The following CAV3 variants were observed in gnomAD, a reference collection of about 807,000 sequenced individuals.
CAV3 encodes the protein caveolin-3.
Under a neutral mutation model 13.4 loss-of-function variants are expected in CAV3, and 10 were observed. The ratio of observed to expected loss-of-function variants is 0.75; its 90% CI spans 0.46 to 1.27. The LOEUF is 1.27. Among genes scored for constraint, CAV3 ranks in the 50% most tolerant of loss-of-function variants. The pLI is 0.00. For missense variants in CAV3, 162 were observed against 194.0 expected (o/e 0.83, Z 0.98); for synonymous variants, 90 against 79.0 (o/e 1.14, Z -0.74).
At position 8,746,575 on chromosome 3, in the gene CAV3, C is replaced by T. The variant is rs1041276926; in HGVS notation, c.*708C>T. 3.3e-5 allele frequency: 5 copies of T among 152,022 alleles called. No individual in the cohort carries two copies. Among genetic ancestry groups the T allele is most frequent in the African/African-American group, 1.2e-4 (5 of 41,352 alleles). 9.4% of individuals were successfully genotyped at this position (152,022 alleles called of 1,614,324 possible). A position where few individuals can be genotyped will look rare whatever the true frequency, so the allele number is the denominator to read the frequency against. On this transcript the variant is annotated 3_prime_UTR_variant, in exon 2 of 2. Coordinates refer to ENST00000343849, the MANE Select transcript of CAV3 (RefSeq NM_033337.3). ...CAGGGGCAGTGACCCTTCCAGGGTA[C>T]CACTGAGGGAAGGGCCTGGGTTCAA... is the stretch of plus-strand genomic sequence containing the variant.
At chr3:8,734,016 G>T in intron 1 of CAV3, 26 bp downstream of exon 1, 1 of 1,382,530 alleles carries the variant, frequency 7.2e-7, no homozygotes, top group South Asian at 1.2e-5. Flanking sequence ...CTGCCTCGGC[G>T]GGCGGAGAGT....
intron 1 of CAV3, among the ~76,000 whole-genome samples, chr3:8,737,394 C>T (rs1707793988): frequency 6.6e-6 from 1 of 152,160 alleles, no homozygotes. Context: ...GGCCGTTTCA[C>T]ATTTAAAAAA....
At chr3:8,739,714 T>A (rs1180843800) in intron 1 of CAV3, among the ~76,000 whole-genome samples, 2 of 151,834 alleles carry the variant, frequency 1.3e-5, no homozygotes, top group East Asian at 3.9e-4. Flanking sequence ...GAGCCCAGAG[T>A]TATCCCTTGT....
rs1166921806 is a variant in CAV3 at position 8,746,037 on chromosome 3, A to G, written c.*170A>G. ...GCCAGAAAGAAAAGACGGCCCAGCC[A>G]CAGAAGCACAATGGCCCTTCGCTCT... On this transcript the variant is annotated 3_prime_UTR_variant, in exon 2 of 2. Transcript: ENST00000343849. 1 of 602,800 alleles carries G rather than the reference A, an allele frequency of 1.7e-6. No homozygotes were observed. Among genetic ancestry groups the G allele is most frequent in the East Asian group, 2.8e-5 (1 of 36,004 alleles). The allele number at this position is 602,800 out of a possible 1,614,324, so 37.3% of individuals were successfully genotyped here. A position where few individuals can be genotyped will look rare whatever the true frequency, so the allele number is the denominator to read the frequency against.
chr3:8,734,668 G>A (rs1418634037), intron 1 of CAV3, among the ~76,000 whole-genome samples: 2 of 152,210 alleles, frequency 1.3e-5, no homozygotes, highest in Non-Finnish European at 2.9e-5. Context: ...TAGCGGCCCT[G>A]CTGCCTCCAG....
chr3:8,740,404 C>T lies in CAV3; in HGVS notation c.115-5122C>T, dbSNP rs140869883. 3.4e-4 allele frequency among the ~76,000 whole-genome samples: 51 copies of T among 152,158 alleles called. No homozygotes were observed. In the East Asian group the frequency reaches 6.4e-3, roughly 19 times the overall value. ...GTGCACAGCCAAGCCCAGAGCTCCA[C>T]CCAGGGTACTTCTATTCCTCCCTAT... On this transcript the variant is annotated intron_variant, in intron 1 of 1. Coordinates refer to ENST00000343849, the MANE Select transcript of CAV3 (RefSeq NM_033337.3).
Position 8,745,118 on chromosome 3 carries a change from A to T in CAV3, c.115-408A>T, listed in dbSNP as rs112968287. The T allele has an allele frequency of 1.0e-4, 22 of 215,100 alleles. 1 individual carries two copies. Among genetic ancestry groups the T allele is most frequent in the Middle Eastern group, 2.0e-3 (1 of 504 alleles). 13.3% of individuals were successfully genotyped at this position (215,100 alleles called of 1,614,324 possible). A position where few individuals can be genotyped will look rare whatever the true frequency, so the allele number is the denominator to read the frequency against. ...TCCCTCGTGGCTTAGTGCTGTCCTC[A>T]CAATAGTGGGAGAGTTCTCATAAGA... On this transcript the variant is annotated intron_variant, in intron 1 of 1. Coordinates refer to ENST00000343849, the MANE Select transcript of CAV3 (RefSeq NM_033337.3). The surrounding 1 kb of genome is among the most constrained non-coding windows in gnomAD (Gnocchi z 4.8).
chr3:8,734,077 A>T, intron 1 of CAV3, 87 bp downstream of exon 1: 1 of 760,244 alleles, frequency 1.3e-6, no homozygotes, highest in South Asian at 1.4e-5. Context: ...TCTGCTGCAG[A>T]CACAGTTTCC....
rs1447903804 is a variant in CAV3 at position 8,745,617 on chromosome 3, A to T, written c.206A>T (p.Lys69Met). ...AGCTACACCACCTTCACTGTCTCCA[A>T]GTACTGGTGCTACCGTCTGTTGTCC... ...KVSYTTFTVS[K>M]YWCYRLLSTL... The change falls in exon 2 of 2, where the codon AAG (lysine) becomes ATG (methionine). Residue 69 changes from lysine to methionine, a missense_variant. Physicochemically the swap from Lys to Met is moderately conservative, Grantham distance 95 (BLOSUM62 -1). Transcript: ENST00000343849. This position sits in a 1 kb window ranked among gnomAD's most constrained non-coding sequence, Gnocchi z 4.8. 1 of 1,614,106 alleles carries T rather than the reference A, an allele frequency of 6.2e-7. No homozygotes were observed. The highest frequency in any genetic ancestry group is 2.2e-5 in the East Asian group (1 of 44,856).
chr3:8,738,068 TTCTC>T (rs1346396530), intron 1 of CAV3, among the ~76,000 whole-genome samples: 52 of 151,778 alleles, frequency 3.4e-4, no homozygotes, highest in African/African-American at 1.1e-3. Flanking sequence ...TCTCTCTCTC[TTCTC>T]TCTCTATCTC....
chr3:8,738,465 TC>T (rs1266807224), intron 1 of CAV3, among the ~76,000 whole-genome samples: 1 of 152,164 alleles, frequency 6.6e-6, no homozygotes, highest in African/African-American at 2.4e-5. Context: ...TGGCGGGGAA[TC>T]CATTCCTGGG....
chr3:8,733,897 A>C lies in CAV3; in HGVS notation c.21A>C (p.Thr7=). 1 of 1,611,506 alleles carries C rather than the reference A, an allele frequency of 6.2e-7. No homozygotes were observed. The highest frequency in any genetic ancestry group is 1.7e-5 in the Admixed American group (1 of 59,984). MMAEEH[T]DLEAQIVKDI... ...CTGCGATGATGGCAGAAGAGCACAC[A>C]GATCTCGAGGCCCAGATCGTCAAGG... Residue 7 remains threonine, a synonymous_variant, in exon 1 of 2, where the codon ACA becomes ACC. Coordinates refer to ENST00000343849, the MANE Select transcript of CAV3 (RefSeq NM_033337.3).
chr3:8,744,325 C>G (rs967206423), intron 1 of CAV3, among the ~76,000 whole-genome samples: 1 of 145,070 alleles, frequency 6.9e-6, no homozygotes, highest in Non-Finnish European at 1.5e-5. Flanking sequence ...GTCACCCAGG[C>G]TGGAGTGCAG....
chr3:8,740,758 C>CT (rs1707930336), intron 1 of CAV3, among the ~76,000 whole-genome samples: 3 of 152,298 alleles, frequency 2.0e-5, no homozygotes, highest in Non-Finnish European at 4.4e-5. Flanking sequence ...TCCTAGAGCA[C>CT]CCTCCTGAAG....
In CAV3 at chr3:8,733,818, T is replaced by G. The variant is rs1259637889; in HGVS notation, c.-59T>G. On this transcript the variant is annotated 5_prime_UTR_variant, in exon 1 of 2. Transcript: ENST00000343849. Reference sequence around the variant, plus strand: ...AATTGGTCTCTCTGCCCCAAGTATTTTCAGCCCCAGCCGGCCACACAGCTC... The same window carrying G: ...AATTGGTCTCTCTGCCCCAAGTATTGTCAGCCCCAGCCGGCCACACAGCTC... 7 of 1,061,642 alleles carry G rather than the reference T, an allele frequency of 6.6e-6. No homozygotes were observed. Among genetic ancestry groups the G allele is most frequent in the African/African-American group, 1.6e-5 (1 of 64,500 alleles). 65.8% of individuals were successfully genotyped at this position (1,061,642 alleles called of 1,614,324 possible). A position where few individuals can be genotyped will look rare whatever the true frequency, so the allele number is the denominator to read the frequency against.
chr3:8,745,382 G>A lies in CAV3; in HGVS notation c.115-144G>A, dbSNP rs866616819. 14 of 671,174 alleles carry A rather than the reference G, an allele frequency of 2.1e-5. No individual in the cohort carries two copies. The African/African-American group carries it at 2.3e-4, about 11-fold the overall frequency. 41.6% of individuals were successfully genotyped at this position (671,174 alleles called of 1,614,324 possible). A position where few individuals can be genotyped will look rare whatever the true frequency, so the allele number is the denominator to read the frequency against. Reference sequence around the variant, plus strand: ...GCCTCAGGTATGTCTTTAAAGCAATGCAAGAATAGCCTAATACAGGTAGGG... The same window carrying A: ...GCCTCAGGTATGTCTTTAAAGCAATACAAGAATAGCCTAATACAGGTAGGG... On this transcript the variant is annotated intron_variant, in intron 1 of 1. Coordinates refer to ENST00000343849, the MANE Select transcript of CAV3 (RefSeq NM_033337.3). The surrounding 1 kb of genome is among the most constrained non-coding windows in gnomAD (Gnocchi z 4.8).
chr3:8,741,542 A>C (rs1707958790), intron 1 of CAV3, among the ~76,000 whole-genome samples: 1 of 152,134 alleles, frequency 6.6e-6, no homozygotes, highest in Non-Finnish European at 1.5e-5. Flanking sequence ...GTAGAGTTGA[A>C]AAAAGAAAAC....
chr3:8,741,676 AC>A (rs1268099571), intron 1 of CAV3, among the ~76,000 whole-genome samples: 1 of 151,952 alleles, frequency 6.6e-6, no homozygotes, highest in Non-Finnish European at 1.5e-5. Context: ...CTATTTCCCC[AC>A]CCACAGATAT....
intron 1 of CAV3, chr3:8,742,386 A>G: frequency 5.5e-6 from 2 of 365,618 alleles, no homozygotes; most frequent in Admixed American, 7.7e-5. Context: ...AAGAAGAAGA[A>G]GAAGAAAGAT....
Sources: allele counts gnomAD v4.1 joint callset (sites outside exome capture counted in the v4.1 genomes callset), GRCh38; gene constraint gnomAD v4.1.1; non-coding constraint Gnocchi (gnomAD v3.1); transcripts MANE v1.5; gene names NCBI Gene and HGNC (gene_info 2026-07-23, HGNC 2026-07-21).